FAM178B: variants seen among roughly 807,000 people sequenced by gnomAD.
FAM178B encodes protein FAM178B.
A neutral mutation model predicts 91.7 loss-of-function variants in FAM178B; 82 were observed. That is an observed-to-expected ratio of 0.89 (90% CI 0.75 to 1.07). FAM178B has a LOEUF of 1.07. Among genes scored for constraint, FAM178B ranks in the 50% least tolerant of loss-of-function variants. The pLI, the probability that FAM178B is intolerant of heterozygous loss-of-function variation, is 0.00. For synonymous variants in FAM178B, 368 were observed against 359.4 expected (o/e 1.02, Z -0.27); for missense variants, 769 against 846.7 (o/e 0.91, Z 1.14).
At position 96,899,851 on chromosome 2, in the gene FAM178B, CTT is replaced by C. The variant is rs78433909; in HGVS notation, c.1650+2767_1650+2768del. ...GCCTCCCGCGCCCCCATTCCCCACT[CTT>C]TTTTTTTTTTTTTTTTTTTTTTAAG... On this transcript the variant is annotated intron_variant, in intron 13 of 16. Coordinates refer to ENST00000490605, the MANE Select transcript of FAM178B (RefSeq NM_001122646.3). Among the ~76,000 whole-genome samples the C allele has an allele frequency of 2.7e-3, 307 of 113,472 alleles. 1 individual carries two copies. Among genetic ancestry groups the C allele is most frequent in the Middle Eastern group, 0.011 (2 of 180 alleles). The allele number at this position is 113,472 out of a possible 152,430, so 74.4% of individuals were successfully genotyped here.
At chr2:96,878,303 C>G (rs754003354) in intron 15 of FAM178B, 113 bp downstream of exon 15, 74 of 1,049,076 alleles carry the variant, frequency 7.1e-5, no homozygotes, top group Non-Finnish European at 9.5e-5. Flanking sequence ...CAGCCTCCCA[C>G]TCTCTGCAGT....
intron 14 of FAM178B, among the ~76,000 whole-genome samples, chr2:96,892,209 G>A (rs1478344595): frequency 6.6e-6 from 1 of 152,158 alleles, no homozygotes; most frequent in Non-Finnish European, 1.5e-5. Context: ...CCAGCCCAGG[G>A]GACAGAACCC....
At chr2:96,949,243 G>C (rs930929757) in intron 7 of FAM178B, among the ~76,000 whole-genome samples, 1 of 152,086 alleles carries the variant, frequency 6.6e-6, no homozygotes, top group African/African-American at 2.4e-5. Context: ...CAAGAACATC[G>C]AAGGAGCAGG....
intron 6 of FAM178B, among the ~76,000 whole-genome samples, chr2:96,958,638 C>T (rs1469149185): frequency 2.3e-5 from 3 of 128,082 alleles, no homozygotes; most frequent in Non-Finnish European, 4.7e-5. Context: ...TGCAGTGAGC[C>T]GAGATGGCGC....
chr2:96,894,622 A>AC (rs1212288655), intron 13 of FAM178B, among the ~76,000 whole-genome samples: 1 of 18,406 alleles, frequency 5.4e-5, no homozygotes. Context: ...ACACCCACTC[A>AC]CCCCCCCACA....
chr2:96,941,133 C>T (rs993854044), intron 8 of FAM178B, among the ~76,000 whole-genome samples: 22 of 152,082 alleles, frequency 1.4e-4, no homozygotes, highest in African/African-American at 2.2e-4. Context: ...CATTTTGTGC[C>T]GGGAAATAAT....
chr2:96,933,238 G>A (rs1040411831), intron 8 of FAM178B, among the ~76,000 whole-genome samples: 8 of 151,872 alleles, frequency 5.3e-5, no homozygotes, highest in African/African-American at 1.2e-4. Flanking sequence ...GCGAGACTCC[G>A]TTTCATAAAA....
At chr2:96,888,248 G>T (rs1257933734) in intron 14 of FAM178B, among the ~76,000 whole-genome samples, 1 of 152,214 alleles carries the variant, frequency 6.6e-6, no homozygotes, top group African/African-American at 2.4e-5. Context: ...GACAGGAGAG[G>T]AACTCACAAG....
chr2:96,897,858 G>C (rs2080853173), intron 13 of FAM178B: 1 of 666,416 alleles, frequency 1.5e-6, no homozygotes. Context: ...CTTCTGCGCA[G>C]AAGTCAAAAC....
At chr2:96,948,623 G>C (rs1005020411) in intron 7 of FAM178B, among the ~76,000 whole-genome samples, 1 of 152,186 alleles carries the variant, frequency 6.6e-6, no homozygotes, top group African/African-American at 2.4e-5. Context: ...GCATGACATC[G>C]TTCCTCCCCA....
intron 14 of FAM178B, among the ~76,000 whole-genome samples, chr2:96,882,715 G>A (rs1008616389): frequency 3.3e-5 from 5 of 152,210 alleles, no homozygotes; most frequent in Non-Finnish European, 2.9e-5. Context: ...AGAACTGCTT[G>A]GTGCGGTGGG....
rs1222537755 is a variant in FAM178B, at chr2:96,963,071, G to A, written c.735-2631C>T. Among the ~76,000 whole-genome samples the A allele has an allele frequency of 2.6e-5, 4 of 152,180 alleles. No homozygotes were observed. The East Asian group carries it at 7.7e-4, about 29-fold the overall frequency. On this transcript the variant is annotated intron_variant, in intron 5 of 16. Coordinates refer to ENST00000490605, the MANE Select transcript of FAM178B (RefSeq NM_001122646.3). ...AAAGCACCACTAGAAAACGTCATGC[G>A]CCCAGCAAATTACCAGTGTTTTCAA...
intron 13 of FAM178B, 73 bp from the exon 14 acceptor site, chr2:96,894,124 C>T: frequency 6.6e-7 from 1 of 1,522,744 alleles, no homozygotes; most frequent in Non-Finnish European, 8.8e-7. Flanking sequence ...CGGGAATCGG[C>T]CTGGACACCT....
chr2:96,905,461 G>A (rs184232583), intron 12 of FAM178B, among the ~76,000 whole-genome samples: 12 of 151,692 alleles, frequency 7.9e-5, no homozygotes, highest in Non-Finnish European at 1.2e-4. Flanking sequence ...GGGAGGCTGA[G>A]GCAGGGAATT....
intron 6 of FAM178B, among the ~76,000 whole-genome samples, chr2:96,952,155 T>C (rs2081938320): frequency 1.3e-5 from 2 of 152,164 alleles, no homozygotes; most frequent in Non-Finnish European, 2.9e-5. Flanking sequence ...CTCGGGTTCC[T>C]CCAGCTGCAA....
intron 14 of FAM178B, among the ~76,000 whole-genome samples, chr2:96,892,584 G>C (rs926528722): frequency 6.6e-6 from 1 of 152,178 alleles, no homozygotes; most frequent in Non-Finnish European, 1.5e-5. Context: ...CCCAGCTGTT[G>C]AAAGAATGTC....
chr2:96,962,001 G>A (rs928056087), intron 5 of FAM178B, among the ~76,000 whole-genome samples: 58 of 152,212 alleles, frequency 3.8e-4, no homozygotes, highest in Non-Finnish European at 5.1e-4. Context: ...TTGTTTTTTA[G>A]TTTGAAAAAA....
intron 7 of FAM178B, among the ~76,000 whole-genome samples, chr2:96,949,042 G>A (rs2081879981): frequency 6.6e-6 from 1 of 152,114 alleles, no homozygotes; most frequent in South Asian, 2.1e-4. Context: ...TTTCATGGCT[G>A]AACACTTGAG....
chr2:96,886,186 C>T (rs1158162780), intron 14 of FAM178B, among the ~76,000 whole-genome samples: 3 of 152,072 alleles, frequency 2.0e-5, no homozygotes, highest in Non-Finnish European at 4.4e-5. Flanking sequence ...TAAGAGTGTC[C>T]CAGCCTCCTG....
Sources: gnomAD v4.1 joint callset for allele counts (sites outside exome capture counted in the v4.1 genomes callset) on GRCh38, gnomAD v4.1.1 for gene constraint, MANE v1.5 for transcripts, NCBI Gene and HGNC (gene_info 2026-07-23, HGNC 2026-07-21) for gene names.